Variants in ZCWPW2 observed in about 807,000 individuals in gnomAD.
The protein encoded by ZCWPW2 is zinc finger CW-type PWWP domain protein 2.
Under a neutral mutation model 46.6 loss-of-function variants are expected in ZCWPW2, and 45 were observed. That is an observed-to-expected ratio of 0.96 (90% CI 0.76 to 1.24). The LOEUF (loss-of-function observed/expected upper bound fraction) is 1.24, where lower values mean the gene tolerates loss of function less well. Ranked by LOEUF, ZCWPW2 falls within the 50% of genes most tolerant of loss-of-function variation. The pLI is 0.00. For missense variants in ZCWPW2, 429 were observed against 403.9 expected (o/e 1.06, Z -0.53); for synonymous variants, 152 against 137.1 (o/e 1.11, Z -0.76).
intron 1 of ZCWPW2, among the ~76,000 whole-genome samples, chr3:28,374,335 G>A (rs1705433700): frequency 6.6e-6 from 1 of 152,090 alleles, no homozygotes; most frequent in Admixed American, 6.6e-5. Flanking sequence ...TCTCTATTCT[G>A]TTTAATTAGT....
intron 2 of ZCWPW2, among the ~76,000 whole-genome samples, chr3:28,409,307 G>A (rs1464538030): frequency 6.6e-6 from 1 of 151,324 alleles, no homozygotes; most frequent in East Asian, 1.9e-4. Flanking sequence ...TTCAGTAGAG[G>A]CTGGGTTTCG....
chr3:28,515,715 CTGTGTGTGTGTGTGTG>C (rs10539082), intron 8 of ZCWPW2, 94 bp downstream of exon 8: 1 of 665,652 alleles, frequency 1.5e-6, no homozygotes, highest in Non-Finnish European at 2.5e-6. Context: ...AAAAGATTTC[CTGTGTGTGTGTGTGTG>C]TGTGTGTGTG....
intron 1 of ZCWPW2, among the ~76,000 whole-genome samples, chr3:28,384,614 C>CTT (rs1172954946): frequency 6.5e-5 from 9 of 139,392 alleles, no homozygotes; most frequent in Non-Finnish European, 1.1e-4. Flanking sequence ...ATCTTTCTTT[C>CTT]TTTTTTTTTT....
At chr3:28,365,839 G>A (rs995989240) in intron 1 of ZCWPW2, among the ~76,000 whole-genome samples, 2 of 141,098 alleles carry the variant, frequency 1.4e-5, no homozygotes, top group African/African-American at 5.0e-5. Context: ...GTGGTTTGTA[G>A]TTTTCCTTGA....
chr3:28,363,524 G>A (rs968363043), intron 1 of ZCWPW2, among the ~76,000 whole-genome samples: 3 of 152,082 alleles, frequency 2.0e-5, no homozygotes, highest in Admixed American at 1.3e-4. Flanking sequence ...GACCCTAGAA[G>A]CACAGCCCCA....
At chr3:28,409,090 C>T (rs1333199803) in intron 2 of ZCWPW2, among the ~76,000 whole-genome samples, 2 of 150,800 alleles carry the variant, frequency 1.3e-5, no homozygotes, top group East Asian at 1.9e-4. Flanking sequence ...AAAATATTCC[C>T]GATACTCCAG....
intron 4 of ZCWPW2, among the ~76,000 whole-genome samples, chr3:28,463,068 T>G (rs1204696359): frequency 8.5e-5 from 13 of 152,226 alleles, no homozygotes; most frequent in Non-Finnish European, 1.6e-4. Flanking sequence ...ATGTTTAGTC[T>G]CAAACCTCAC....
chr3:28,400,898 G>A (rs900149589), intron 2 of ZCWPW2, among the ~76,000 whole-genome samples: 5 of 152,084 alleles, frequency 3.3e-5, no homozygotes, highest in East Asian at 1.9e-4. Context: ...AAACAAAGAC[G>A]GCTGGGCATG....
At chr3:28,487,012 GT>G (rs898052881) in intron 5 of ZCWPW2, among the ~76,000 whole-genome samples, 2 of 151,364 alleles carry the variant, frequency 1.3e-5, no homozygotes, top group African/African-American at 2.4e-5. Flanking sequence ...CTATTGGTAA[GT>G]TTTTTTTTCT....
chr3:28,397,178 ATTTTACC>A (rs1695735488), intron 2 of ZCWPW2, among the ~76,000 whole-genome samples: 1 of 151,940 alleles, frequency 6.6e-6, no homozygotes, highest in Admixed American at 6.6e-5. Context: ...ATGTGTTGTG[ATTTTACC>A]TTTTTGGGTA....
intron 7 of ZCWPW2, among the ~76,000 whole-genome samples, chr3:28,514,620 G>T (rs780161736): frequency 3.9e-5 from 6 of 152,012 alleles, no homozygotes; most frequent in Admixed American, 3.3e-4. Flanking sequence ...AGAATTAATA[G>T]AATTATAAGT....
rs578178124 is a variant in ZCWPW2 at position 28,380,934 on chromosome 3, G to GTATATA, written c.-133-9532_-133-9527dup. Among the ~76,000 whole-genome samples, 18 of 13,434 alleles carry GTATATA rather than the reference G, an allele frequency of 1.3e-3. 1 individual carries two copies. The highest frequency in any genetic ancestry group is 0.011 in the South Asian group (2 of 186). The allele number at this position is 13,434 out of a possible 152,430, so 8.8% of individuals were successfully genotyped here. A position where few individuals can be genotyped will look rare whatever the true frequency, so the allele number is the denominator to read the frequency against. On this transcript the variant is annotated intron_variant, in intron 1 of 9. Coordinates refer to ENST00000383768, the MANE Select transcript of ZCWPW2 (RefSeq NM_001040432.4). ...ACTTTACCAAATATATATATATTTG[G>GTATATA]TATATATATATATATATATATATAT...
intron 1 of ZCWPW2, among the ~76,000 whole-genome samples, chr3:28,349,624 G>C (rs1388862488): frequency 6.6e-6 from 1 of 152,206 alleles, no homozygotes; most frequent in East Asian, 1.9e-4. Context: ...CTAGATGATA[G>C]ACCGTCCCTA....
intron 2 of ZCWPW2, among the ~76,000 whole-genome samples, chr3:28,404,193 A>C (rs1369891123): frequency 6.6e-6 from 1 of 152,142 alleles, no homozygotes; most frequent in African/African-American, 2.4e-5. Flanking sequence ...TAACAAGAAA[A>C]AAAAAACATC....
intron 1 of ZCWPW2, among the ~76,000 whole-genome samples, chr3:28,384,285 C>A (rs1391480913): frequency 6.6e-6 from 1 of 152,122 alleles, no homozygotes; most frequent in African/African-American, 2.4e-5. Context: ...AATCACAAAT[C>A]TGTTTTGTAC....
intron 1 of ZCWPW2, among the ~76,000 whole-genome samples, chr3:28,372,474 C>A (rs955096184): frequency 4.6e-5 from 7 of 151,878 alleles, no homozygotes; most frequent in African/African-American, 1.7e-4. Context: ...AACTTTTTTT[C>A]TTCAATTAGA....
intron 1 of ZCWPW2, among the ~76,000 whole-genome samples, chr3:28,368,066 T>G (rs1705187015): frequency 6.6e-6 from 1 of 152,206 alleles, no homozygotes; most frequent in Admixed American, 6.5e-5. Context: ...GTTTCCTGAA[T>G]GCAGCATACT....
chr3:28,404,701 TA>T (rs1303407235), intron 2 of ZCWPW2, among the ~76,000 whole-genome samples: 2 of 152,124 alleles, frequency 1.3e-5, no homozygotes. Flanking sequence ...ACTTAGCCAT[TA>T]AAAAGAATGA....
chr3:28,377,167 C>A (rs1295154695), intron 1 of ZCWPW2, among the ~76,000 whole-genome samples: 1 of 151,902 alleles, frequency 6.6e-6, no homozygotes, highest in Non-Finnish European at 1.5e-5. Flanking sequence ...CTATCCTCAA[C>A]CTGTTGTTTT....
Sources: gnomAD v4.1 joint callset for allele counts (sites outside exome capture counted in the v4.1 genomes callset) on GRCh38, gnomAD v4.1.1 for gene constraint, MANE v1.5 for transcripts, NCBI Gene and HGNC (gene_info 2026-07-23, HGNC 2026-07-21) for gene names.